The following ZCWPW1 variants were observed in gnomAD, a reference collection of about 807,000 sequenced individuals.
ZCWPW1 encodes the protein zinc finger CW-type PWWP domain protein 1.
Under a neutral mutation model 81.3 loss-of-function variants are expected in ZCWPW1, and 56 were observed. That is an observed-to-expected ratio of 0.69 (90% CI 0.56 to 0.86). The LOEUF (loss-of-function observed/expected upper bound fraction) is 0.86, where lower values mean the gene tolerates loss of function less well. Ranked by LOEUF, ZCWPW1 falls within the 40% of genes least tolerant of loss-of-function variation. ZCWPW1 has a pLI of 0.00. For missense variants in ZCWPW1, 650 were observed against 769.8 expected, an observed-to-expected ratio of 0.84 and a Z score of 1.84; for synonymous variants, 250 against 273.7, an observed-to-expected ratio of 0.91 and a Z score of 0.86.
chr7:100,427,324 A>G (rs1337407199), intron 1 of ZCWPW1, among the ~76,000 whole-genome samples: 1 of 149,538 alleles, frequency 6.7e-6, no homozygotes, highest in African/African-American at 2.5e-5. Context: ...TTTAACAAGA[A>G]AGAAGAGGCG....
At chr7:100,406,186 C>A in intron 12 of ZCWPW1, among the ~76,000 whole-genome samples, 1 of 152,132 alleles carries the variant, frequency 6.6e-6, no homozygotes, top group East Asian at 1.9e-4. Context: ...TGGTTCTCAA[C>A]CGGGTAGACT....
chr7:100,404,490 A>AT (rs1792573507), intron 13 of ZCWPW1, among the ~76,000 whole-genome samples: 1 of 152,048 alleles, frequency 6.6e-6, no homozygotes, highest in Admixed American at 6.6e-5. Context: ...CCTCCCAAGT[A>AT]TGTGGGACTG....
intron 8 of ZCWPW1, among the ~76,000 whole-genome samples, chr7:100,414,385 T>C (rs1206516269): frequency 6.6e-6 from 1 of 152,234 alleles, no homozygotes; most frequent in Non-Finnish European, 1.5e-5. Context: ...TTTTTGTTTT[T>C]GTTTGGTACA....
Position 100,401,451 on chromosome 7 carries a change from C to T in ZCWPW1, c.1628-115G>A, listed in dbSNP as rs536057189. On this transcript the variant is annotated intron_variant, in intron 17 of 17. Transcript: ENST00000684423. ...GAAATCTCTGGAAAAGATGACCTTT[C>T]TCAATACAAAGAATATGGACTTTGG... The T allele has an allele frequency of 4.0e-6, 4 of 1,004,982 alleles. No individual in the cohort carries two copies. In the African/African-American group the frequency reaches 6.5e-5, roughly 16 times the overall value. The allele number at this position is 1,004,982 out of a possible 1,614,324, so 62.3% of individuals were successfully genotyped here.
At chr7:100,420,801 T>C in intron 2 of ZCWPW1, 123 bp from the exon 3 acceptor site, 1 of 819,846 alleles carries the variant, frequency 1.2e-6, no homozygotes, top group Non-Finnish European at 1.9e-6. Flanking sequence ...ATTCTTGACC[T>C]CCTCTGTGGT....
At chr7:100,406,604 C>T (rs1455746111) in intron 12 of ZCWPW1, 90 bp downstream of exon 12, 15 of 1,242,982 alleles carry the variant, frequency 1.2e-5, no homozygotes, top group Non-Finnish European at 1.6e-5. Flanking sequence ...AACTTTCTCC[C>T]GACATGGCTT....
intron 1 of ZCWPW1, among the ~76,000 whole-genome samples, chr7:100,427,812 C>T (rs1797967678): frequency 1.3e-5 from 2 of 151,916 alleles, no homozygotes; most frequent in Admixed American, 1.3e-4. Flanking sequence ...TCTCTTCCCT[C>T]ACCCCTTATT....
chr7:100,420,337 C>A (rs895129132), intron 3 of ZCWPW1, among the ~76,000 whole-genome samples: 1 of 152,214 alleles, frequency 6.6e-6, no homozygotes, highest in African/African-American at 2.4e-5. Flanking sequence ...CCAGGTATAT[C>A]TTTCTTTGAG....
chr7:100,415,055 C>A (rs1171216232), intron 8 of ZCWPW1, among the ~76,000 whole-genome samples: 4 of 149,468 alleles, frequency 2.7e-5, no homozygotes, highest in Admixed American at 2.0e-4. Flanking sequence ...ACAAAAAACC[C>A]CTCCCTCAAC....
chr7:100,416,830 C>T (rs1419855613), intron 6 of ZCWPW1, among the ~76,000 whole-genome samples: 1 of 151,762 alleles, frequency 6.6e-6, no homozygotes, highest in African/African-American at 2.4e-5. Flanking sequence ...CCTGTAATCC[C>T]AGCTACTCGA....
At chr7:100,405,198 G>A in intron 12 of ZCWPW1, 105 bp from the exon 13 acceptor site, 1 of 1,034,586 alleles carries the variant, frequency 9.7e-7, no homozygotes, top group Non-Finnish European at 1.4e-6. Flanking sequence ...GGGAGGCCGA[G>A]TCAGGTAGAT....
At chr7:100,404,610 T>A (rs1442539604) in intron 13 of ZCWPW1, among the ~76,000 whole-genome samples, 1 of 152,170 alleles carries the variant, frequency 6.6e-6, no homozygotes, top group Non-Finnish European at 1.5e-5. Flanking sequence ...TACACCTGCC[T>A]TGGCCTCCCA....
At chr7:100,418,580 C>G (rs1212299493) in intron 5 of ZCWPW1, among the ~76,000 whole-genome samples, 1 of 152,084 alleles carries the variant, frequency 6.6e-6, no homozygotes, top group African/African-American at 2.4e-5. Context: ...CACTTGAGGT[C>G]AAGAGTTCGA....
At chr7:100,419,602 T>C in intron 4 of ZCWPW1, 28 bp downstream of exon 4, 1 of 1,586,162 alleles carries the variant, frequency 6.3e-7, no homozygotes, top group Non-Finnish European at 8.6e-7. Context: ...GAAAATCTCC[T>C]ACCAGAGCCC....
At chr7:100,416,597 G>A (rs1324975364) in intron 6 of ZCWPW1, 141 bp from the exon 7 acceptor site, 12 of 837,504 alleles carry the variant, frequency 1.4e-5, no homozygotes, top group South Asian at 1.3e-4. Flanking sequence ...CCATCTACTT[G>A]CCTATTTTTC....
In ZCWPW1 at chr7:100,420,582, G is replaced by C. The variant is rs73401499; in HGVS notation, c.28+40C>G. On this transcript the variant is annotated intron_variant, in intron 3 of 17. Transcript: ENST00000684423. ...AGGATGTCCAAAAGGAGAAAAATGA[G>C]AGAAATGTATGAAGCGAACCTCCCT... is the stretch of plus-strand genomic sequence containing the variant. The C allele has an allele frequency of 1.1e-3, 1,853 of 1,613,430 alleles. 26 individuals are homozygous for C. In the African/African-American group the frequency reaches 0.023, roughly 20 times the overall value.
chr7:100,419,481 GAA>G, intron 4 of ZCWPW1, 147 bp downstream of exon 4: 9 of 1,223,982 alleles, frequency 7.4e-6, no homozygotes, highest in South Asian at 1.8e-5. Context: ...ACCTCTTTGA[GAA>G]AAAAAAAAGG....
At chr7:100,405,607 A>G (rs568909843) in intron 12 of ZCWPW1, among the ~76,000 whole-genome samples, 1 of 152,252 alleles carries the variant, frequency 6.6e-6, no homozygotes, top group South Asian at 2.1e-4. Flanking sequence ...CCTTCCGTCT[A>G]ATAGACGTCT....
At chr7:100,410,181 CTGACCCA>C (rs1447768670) in intron 8 of ZCWPW1, among the ~76,000 whole-genome samples, 2 of 152,194 alleles carry the variant, frequency 1.3e-5, no homozygotes, top group African/African-American at 4.8e-5. Context: ...CTCTCCTAAG[CTGACCCA>C]TGTCCCTCAG....
Sources: gnomAD v4.1 joint callset for allele counts (sites outside exome capture counted in the v4.1 genomes callset) on GRCh38, gnomAD v4.1.1 for gene constraint, MANE v1.5 for transcripts, NCBI Gene and HGNC (gene_info 2026-07-23, HGNC 2026-07-21) for gene names.